Variants in ERBB4 observed in about 807,000 individuals in gnomAD.
ERBB4 encodes the protein erb-b2 receptor tyrosine kinase 4.
Under a neutral mutation model 158.0 loss-of-function variants are expected in ERBB4, and 42 were observed. The ratio of observed to expected loss-of-function variants is 0.27; its 90% CI spans 0.21 to 0.34. The LOEUF is 0.34. Ranked by LOEUF, ERBB4 falls within the 10% of genes least tolerant of loss-of-function variation. The pLI is 1.00. For missense variants in ERBB4, 1,333 were observed against 1,624.1 expected, an observed-to-expected ratio of 0.82 and a Z score of 3.08; for synonymous variants, 583 against 558.7, an observed-to-expected ratio of 1.04 and a Z score of -0.61.
In ERBB4 at chr2:211,524,326, C is replaced by T. The variant is rs559215390; in HGVS notation, c.2487+37577G>A. Among the ~76,000 whole-genome samples, 29 of 152,268 alleles carry T rather than the reference C, an allele frequency of 1.9e-4. No individual in the cohort carries two copies. The South Asian group carries it at 6.0e-3, about 32-fold the overall frequency. ...CCCAGCTGGCTTCACCCAGTGGATC[C>T]CTCACGGGGGCTGCAGGTGGAGCTG... On this transcript the variant is annotated intron_variant, in intron 20 of 27. Transcript: ENST00000342788.
At chr2:211,509,933 C>CA (rs1037185174) in intron 20 of ERBB4, among the ~76,000 whole-genome samples, 23 of 151,944 alleles carry the variant, frequency 1.5e-4, no homozygotes, top group Non-Finnish European at 3.1e-4. Context: ...TCATAAAAGT[C>CA]AAAAAACAAC....
chr2:211,945,293 T>C lies in ERBB4; in HGVS notation c.421+2137A>G, dbSNP rs1251965822. ...TACATGTAACTTCTGATTCTTACAA[T>C]TGGAGTAACACTATCAACCAGAATA... is the stretch of plus-strand genomic sequence containing the variant. On this transcript the variant is annotated intron_variant, in intron 3 of 27. Transcript: ENST00000342788. Among the ~76,000 whole-genome samples, 4 of 152,186 alleles carry C rather than the reference T, an allele frequency of 2.6e-5. No individual in the cohort carries two copies. The East Asian group carries it at 5.8e-4, about 22-fold the overall frequency.
chr2:211,678,966 CAAAAAAAAA>C lies in ERBB4; in HGVS notation c.1622+77_1622+85del, dbSNP rs71054127. 4.6e-3 allele frequency: 2,363 copies of C among 508,634 alleles called. 2 individuals carry two copies. Among genetic ancestry groups the C allele is most frequent in the Non-Finnish European group, 6.4e-3 (2,169 of 339,576 alleles). 31.5% of individuals were successfully genotyped at this position (508,634 alleles called of 1,614,324 possible). A position where few individuals can be genotyped will look rare whatever the true frequency, so the allele number is the denominator to read the frequency against. On this transcript the variant is annotated intron_variant, in intron 13 of 27. Transcript: ENST00000342788. ...AGGGCGACAGAGCGAGACTCCGTCT[CAAAAAAAAA>C]AAAAAAAAAAAAAAAATCAGAACTA...
intron 1 of ERBB4, among the ~76,000 whole-genome samples, chr2:212,392,105 T>C (rs2090893535): frequency 6.6e-6 from 1 of 151,650 alleles, no homozygotes; most frequent in African/African-American, 2.4e-5. Flanking sequence ...AGAAGGCTTT[T>C]AAGAGGGTCT....
intron 1 of ERBB4, among the ~76,000 whole-genome samples, chr2:212,218,329 T>C (rs571021422): frequency 1.3e-5 from 2 of 151,440 alleles, no homozygotes; most frequent in African/African-American, 2.4e-5. Context: ...TTCCATAATA[T>C]ATGAGAAAGA....
chr2:211,624,501 C>A (rs2069761398), intron 17 of ERBB4, among the ~76,000 whole-genome samples: 1 of 152,096 alleles, frequency 6.6e-6, no homozygotes. Context: ...AAATATAGGT[C>A]CCGGTTCAGC....
chr2:211,914,064 A>C (rs990304829), intron 3 of ERBB4, among the ~76,000 whole-genome samples: 17 of 150,998 alleles, frequency 1.1e-4, no homozygotes, highest in African/African-American at 3.4e-4. Flanking sequence ...AAAAAAAAAA[A>C]AAACAAGGAG....
intron 19 of ERBB4, among the ~76,000 whole-genome samples, chr2:211,593,970 G>A (rs2068551533): frequency 6.6e-6 from 1 of 152,182 alleles, no homozygotes; most frequent in Non-Finnish European, 1.5e-5. Flanking sequence ...CAAGGCTGCT[G>A]TCAGGCATGA....
chr2:211,630,352 T>G, intron 17 of ERBB4, 110 bp downstream of exon 17: 1 of 1,264,810 alleles, frequency 7.9e-7, no homozygotes, highest in Non-Finnish European at 1.1e-6. Context: ...AAAAACTTAA[T>G]TAGGACACTG....
intron 9 of ERBB4, among the ~76,000 whole-genome samples, chr2:211,711,729 A>G (rs376125048): frequency 3.3e-5 from 5 of 152,286 alleles, no homozygotes; most frequent in African/African-American, 1.2e-4. Flanking sequence ...TCAACCAATG[A>G]TACTTTTTTC....
intron 1 of ERBB4, among the ~76,000 whole-genome samples, chr2:212,386,980 A>G (rs2090697595): frequency 6.6e-6 from 1 of 152,084 alleles, no homozygotes; most frequent in Admixed American, 6.6e-5. Flanking sequence ...CCTTAAGTAA[A>G]TAGTAAATGA....
chr2:211,959,066 C>G (rs942710707), intron 2 of ERBB4, among the ~76,000 whole-genome samples: 1 of 152,028 alleles, frequency 6.6e-6, no homozygotes, highest in Non-Finnish European at 1.5e-5. Flanking sequence ...CTTGACTTTT[C>G]TTCCTCAAAA....
At chr2:211,721,315 C>G (rs62182982) in intron 7 of ERBB4, among the ~76,000 whole-genome samples, 2,295 of 151,974 alleles carry the variant, frequency 0.015, 28 homozygotes, top group African/African-American at 0.03. Context: ...ATCACATACA[C>G]AAAGTGAAGT....
rs112007076 is a variant in ERBB4, at chr2:212,513,734, C to T, written c.82+24715G>A. Among the ~76,000 whole-genome samples the T allele has an allele frequency of 2.9e-3, 434 of 152,276 alleles. 1 individual carries two copies. Among genetic ancestry groups the T allele is most frequent in the African/African-American group, 9.9e-3 (412 of 41,546 alleles). On this transcript the variant is annotated intron_variant, in intron 1 of 27. Transcript: ENST00000342788. ...GGCTGAGGCAGGAGAATGGCATGAA[C>T]CCAGGAGGCGGAGCTTGCAGTGCGC...
chr2:211,863,814 A>G (rs2078133120), intron 3 of ERBB4, among the ~76,000 whole-genome samples: 2 of 152,220 alleles, frequency 1.3e-5, no homozygotes, highest in South Asian at 4.1e-4. Context: ...GTGGGATATG[A>G]CATCCTAACT....
In ERBB4 at chr2:211,380,009, G is replaced by C. The variant is rs1254430366; in HGVS notation, c.*3606C>G. On this transcript the variant is annotated 3_prime_UTR_variant, in exon 28 of 28. Transcript: ENST00000342788. ...TTCATGCCATGTCTTTCCTTTAGAA[G>C]GTATTAGCTCACACACTATAACACT... 1.3e-5 allele frequency: 3 copies of C among 225,648 alleles called. No homozygotes were observed. Among genetic ancestry groups the C allele is most frequent in the Non-Finnish European group, 2.6e-5 (3 of 115,412 alleles). The allele number at this position is 225,648 out of a possible 1,614,324, so 14.0% of individuals were successfully genotyped here. A position where few individuals can be genotyped will look rare whatever the true frequency, so the allele number is the denominator to read the frequency against.
At chr2:211,465,201 C>T (rs1028563551) in intron 20 of ERBB4, among the ~76,000 whole-genome samples, 3 of 151,978 alleles carry the variant, frequency 2.0e-5, no homozygotes, top group Non-Finnish European at 4.4e-5. Flanking sequence ...AGCTAGACTA[C>T]CCACCAAGGA....
At chr2:212,278,166 G>T (rs1028049605) in intron 1 of ERBB4, among the ~76,000 whole-genome samples, 2 of 151,678 alleles carry the variant, frequency 1.3e-5, no homozygotes, top group Non-Finnish European at 3.0e-5. Flanking sequence ...AAAGTGGTTT[G>T]GTTTTGGTTG....
At chr2:211,934,001 T>C (rs768789882) in intron 3 of ERBB4, among the ~76,000 whole-genome samples, 48 of 152,024 alleles carry the variant, frequency 3.2e-4, no homozygotes, top group Admixed American at 5.2e-4. Context: ...ACACAAATTC[T>C]GGAAATAATT....
Sources: gnomAD v4.1 joint callset for allele counts (sites outside exome capture counted in the v4.1 genomes callset) on GRCh38, gnomAD v4.1.1 for gene constraint, MANE v1.5 for transcripts, NCBI Gene and HGNC (gene_info 2026-07-23, HGNC 2026-07-21) for gene names.